The following PDIA6 variants were observed in gnomAD, a reference collection of about 807,000 sequenced individuals.
PDIA6 encodes protein disulfide isomerase family A member 6, also known as protein disulfide-isomerase A6.
A neutral mutation model predicts 58.4 loss-of-function variants in PDIA6; 29 were observed. The ratio of observed to expected loss-of-function variants is 0.50; its 90% CI spans 0.37 to 0.68. The LOEUF (loss-of-function observed/expected upper bound fraction) is 0.68. Ranked by LOEUF, PDIA6 falls within the 30% of genes least tolerant of loss-of-function variation. The pLI is 0.00. For missense variants in PDIA6, 480 were observed against 551.0 expected (o/e 0.87, Z 1.29); for synonymous variants, 192 against 202.6 (o/e 0.95, Z 0.44).
chr2:10,837,124 C>T (rs1337660407), upstream of PDIA6, among the ~76,000 whole-genome samples: 1 of 152,182 alleles, frequency 6.6e-6, no homozygotes, highest in African/African-American at 2.4e-5. Flanking sequence ...GATCAAGGAG[C>T]TGGCTCTGTC....
At chr2:10,822,628 C>G (rs1572703644) in intron 1 of PDIA6, among the ~76,000 whole-genome samples, 1 of 152,226 alleles carries the variant, frequency 6.6e-6, no homozygotes, top group Admixed American at 6.5e-5. Context: ...TAGTGGGACT[C>G]ATTGATAAGG....
chr2:10,833,460 C>G (rs1667757995), upstream of PDIA6, among the ~76,000 whole-genome samples: 1 of 152,208 alleles, frequency 6.6e-6, no homozygotes, highest in African/African-American at 2.4e-5. Context: ...TCCATCACCA[C>G]AGTGGGGTAA....
intron 1 of PDIA6, among the ~76,000 whole-genome samples, chr2:10,808,736 A>G (rs10084312): frequency 0.029 from 4,467 of 152,342 alleles, 249 homozygotes; most frequent in African/African-American, 0.1. Flanking sequence ...CATGATAGCC[A>G]CTAGCTACAT....
chr2:10,786,181 G>A (rs1665735335), intron 11 of PDIA6, among the ~76,000 whole-genome samples: 1 of 152,136 alleles, frequency 6.6e-6, no homozygotes, highest in African/African-American at 2.4e-5. Flanking sequence ...AAATTAGCTG[G>A]GCGTGGTGGC....
chr2:10,816,729 C>T (rs758303597), upstream of PDIA6, among the ~76,000 whole-genome samples: 7 of 151,972 alleles, frequency 4.6e-5, no homozygotes, highest in Non-Finnish European at 8.8e-5. Flanking sequence ...TATTTTGCTT[C>T]CCAAGATCAG....
At chr2:10,824,533 G>T (rs922436832) in intron 1 of PDIA6, among the ~76,000 whole-genome samples, 1 of 152,228 alleles carries the variant, frequency 6.6e-6, no homozygotes, top group Non-Finnish European at 1.5e-5. Context: ...ATTGTTCCAG[G>T]GTGAGCATGT....
chr2:10,828,308 A>G (rs1463087262), intron 1 of PDIA6, among the ~76,000 whole-genome samples: 1 of 152,178 alleles, frequency 6.6e-6, no homozygotes, highest in Non-Finnish European at 1.5e-5. Flanking sequence ...CAATTTTTCA[A>G]TTAAAATGTA....
At chr2:10,820,683 ATCTG>A in intron 1 of PDIA6, 1 of 684,774 alleles carries the variant, frequency 1.5e-6, no homozygotes, top group African/African-American at 1.8e-5. Flanking sequence ...TGTCCTCACT[ATCTG>A]TCTAAATAAT....
chr2:10,816,077 C>CTTTTTTTTTTTTTTTTTTTTTTTTTTT, upstream of PDIA6, among the ~76,000 whole-genome samples: 1 of 96,472 alleles, frequency 1.0e-5, no homozygotes, highest in Non-Finnish European at 1.9e-5. Flanking sequence ...AATCATTTGT[C>CTTTTTTTTTTTTTTTTTTTTTTTTTTT]TTTTTTTTTT....
At chr2:10,808,370 T>C (rs1409416066) in intron 1 of PDIA6, among the ~76,000 whole-genome samples, 1 of 151,978 alleles carries the variant, frequency 6.6e-6, no homozygotes, top group Non-Finnish European at 1.5e-5. Context: ...TGTGGTGGAG[T>C]GAAAATAACA....
Position 10,790,760 on chromosome 2 carries a change from C to T in PDIA6, c.658G>A (p.Val220Met), listed in dbSNP as rs781299912. The T allele has an allele frequency of 1.9e-6, 3 of 1,614,060 alleles. No individual in the cohort carries two copies. The African/African-American group carries it at 4.0e-5, about 22-fold the overall frequency. The change falls in exon 7 of 13, where the codon GTG (valine) becomes ATG (methionine). Residue 220 changes from valine to methionine, a missense_variant. Physicochemically the swap from Val to Met is conservative, Grantham distance 21. Coordinates refer to ENST00000272227, the MANE Select transcript of PDIA6 (RefSeq NM_005742.4). ...AGAACCTGATTGACTGTAGCATCCA[C>T]AGCTGCCAGTTTCACTTTTCCTTTC... ...QTKGKVKLAA[V>M]DATVNQVLAS...
upstream of PDIA6, among the ~76,000 whole-genome samples, chr2:10,814,106 C>T (rs1281276407): frequency 6.6e-6 from 1 of 152,144 alleles, no homozygotes; most frequent in African/African-American, 2.4e-5. Context: ...GGAGTGGACT[C>T]GGACATTTTG....
intron 2 of PDIA6, among the ~76,000 whole-genome samples, chr2:10,801,232 C>T (rs1298378306): frequency 3.9e-5 from 6 of 152,140 alleles, no homozygotes; most frequent in Non-Finnish European, 8.8e-5. Flanking sequence ...GAGCCGTGAT[C>T]ATGCTGCTGC....
chr2:10,788,963 C>T lies in PDIA6; in HGVS notation c.859G>A (p.Ala287Thr), dbSNP rs746493782. ...ELLEIINEDI[A>T]KRTCEEHQLC... ...TGGTGCTCCTCACACGTCCTCTTGG[C>T]AATGTCCTCGTTGATAATCTGTGGG... is the stretch of plus-strand genomic sequence containing the variant. Residue 287 changes from alanine to threonine, a missense_variant, in exon 9 of 13, where the codon GCC becomes ACC. Ala to Thr is a moderately conservative substitution (Grantham distance 58, BLOSUM62 0). Coordinates refer to ENST00000272227, the MANE Select transcript of PDIA6 (RefSeq NM_005742.4). The T allele has an allele frequency of 2.6e-5, 42 of 1,613,906 alleles. No homozygotes were observed. The highest frequency in any genetic ancestry group is 3.3e-5 in the South Asian group (3 of 91,092).
chr2:10,784,235 G>A lies in PDIA6; in HGVS notation c.*23C>T. On this transcript the variant is annotated 3_prime_UTR_variant, in exon 13 of 13. Transcript: ENST00000272227. ...CACTGGCTCCCAAGAAAAGAAAATGGTCTGAAGCCTCTGTTGTGGCTCTCA... is the reference window on the plus strand; with the variant it reads ...CACTGGCTCCCAAGAAAAGAAAATGATCTGAAGCCTCTGTTGTGGCTCTCA... The A allele has an allele frequency of 6.3e-7, 1 of 1,595,300 alleles. No homozygotes were observed. Among genetic ancestry groups the A allele is most frequent in the Non-Finnish European group, 8.6e-7 (1 of 1,166,302 alleles).
upstream of PDIA6, among the ~76,000 whole-genome samples, chr2:10,816,737 C>T (rs1209584983): frequency 2.6e-5 from 4 of 152,056 alleles, no homozygotes. Flanking sequence ...TTCCCAAGAT[C>T]AGAAGGTGAG....
At chr2:10,820,700 C>A in intron 1 of PDIA6, 2 of 698,118 alleles carry the variant, frequency 2.9e-6, no homozygotes, top group Non-Finnish European at 5.2e-6. Flanking sequence ...TAAATAATTT[C>A]TTTCTACCTC....
chr2:10,787,990 C>T (rs770963455), intron 10 of PDIA6, among the ~76,000 whole-genome samples: 6 of 148,428 alleles, frequency 4.0e-5, no homozygotes, highest in Admixed American at 1.4e-4. Context: ...CTTTTGAACC[C>T]GGGAGGCGGA....
chr2:10,785,919 G>A (rs1371205015), intron 11 of PDIA6, among the ~76,000 whole-genome samples: 1 of 152,152 alleles, frequency 6.6e-6, no homozygotes, highest in African/African-American at 2.4e-5. Flanking sequence ...TCACCGTGGT[G>A]GCCAGCCTGG....
Sources: allele counts gnomAD v4.1 joint callset (sites outside exome capture counted in the v4.1 genomes callset), GRCh38; gene constraint gnomAD v4.1.1; transcripts MANE v1.5; gene names NCBI Gene and HGNC (gene_info 2026-07-23, HGNC 2026-07-21).